The following MAFG variants were observed in gnomAD, a reference collection of about 807,000 sequenced individuals.
The protein encoded by MAFG is MAF bZIP transcription factor G.
In MAFG, 3 loss-of-function variants were observed where a neutral mutation model predicts 12.2. The observed-to-expected ratio is 0.25, with a 90% CI of 0.11 to 0.64. The LOEUF is 0.64. Ranked by LOEUF, MAFG falls within the 30% of genes least tolerant of loss-of-function variation. The pLI is 0.85. For missense variants in MAFG, 153 were observed against 235.5 expected (o/e 0.65, Z 2.29); for synonymous variants, 126 against 109.1 (o/e 1.15, Z -0.96).
chr17:81,923,335 G>T, intron 1 of MAFG, 121 bp from the exon 2 acceptor site: 1 of 643,150 alleles, frequency 1.6e-6, no homozygotes, highest in Non-Finnish European at 2.5e-6. Context: ...TGCTGTCCAG[G>T]TGCCCAGCCC....
rs2040853056 is a variant in MAFG, at chr17:81,918,549, C to T, written c.*4056G>A. 1 of 155,918 alleles carries T rather than the reference C, an allele frequency of 6.4e-6. No homozygotes were observed. Among genetic ancestry groups the T allele is most frequent in the African/African-American group, 2.4e-5 (1 of 41,510 alleles). The allele number at this position is 155,918 out of a possible 1,614,324, so 9.7% of individuals were successfully genotyped here. On this transcript the variant is annotated 3_prime_UTR_variant, in exon 3 of 3. Coordinates refer to ENST00000357736, the MANE Select transcript of MAFG (RefSeq NM_002359.4). ...TCCTCACTTAGATCTTTAATAACCT[C>T]CATCCCACCCCAGCAGATCCCGGGG...
Position 81,922,357 on chromosome 17 carries a change from A to C in MAFG, c.*248T>G. 1 of 327,412 alleles carries C rather than the reference A, an allele frequency of 3.1e-6. No homozygotes were observed. The highest frequency in any genetic ancestry group is 1.1e-4 in the South Asian group (1 of 8,976). 20.3% of individuals were successfully genotyped at this position (327,412 alleles called of 1,614,324 possible). On this transcript the variant is annotated 3_prime_UTR_variant, in exon 3 of 3. Transcript: ENST00000357736. ...CAAGCCTGCATGGCCCTGGTACAAA[A>C]GGGGTTGGGGCGACCCCACGTCACC...
At chr17:81,929,985 C>T (rs1026989589), upstream of MAFG, 4 of 147,392 alleles carry the variant, frequency 2.7e-5, no homozygotes, top group African/African-American at 8.5e-5. This position sits in a 1 kb window ranked among gnomAD's most constrained non-coding sequence, Gnocchi z 5.7. Context: ...CAGGCTGCAC[C>T]TTCTGTGGGA....
At chr17:81,927,283 G>A (rs2040949353) in intron 1 of MAFG, among the ~76,000 whole-genome samples, 1 of 151,694 alleles carries the variant, frequency 6.6e-6, no homozygotes, top group South Asian at 2.1e-4. Flanking sequence ...GTCCGCCGCC[G>A]CCCGCGGCCC....
upstream of MAFG, among the ~76,000 whole-genome samples, chr17:81,931,007 T>G (rs1000254063): frequency 6.6e-6 from 1 of 152,186 alleles, no homozygotes; most frequent in Non-Finnish European, 1.5e-5. Context: ...GTCCTCACGC[T>G]CTGTGGCTTC....
At position 81,926,410 on chromosome 17, in the gene MAFG, A is replaced by G. The variant is rs529580723; in HGVS notation, c.-30+1118T>C. On this transcript the variant is annotated intron_variant, in intron 1 of 2. Transcript: ENST00000357736. The surrounding 1 kb of genome is among the most constrained non-coding windows in gnomAD (Gnocchi z 4.6). ...CCAGACTCCAGGGCCAACTGGGGAG[A>G]GAGGCTGGGCTGCTTCCTCCCCTTT... 6.6e-6 allele frequency among the ~76,000 whole-genome samples: 1 copy of G among 152,154 alleles called. No individual in the cohort carries two copies. The highest frequency in any genetic ancestry group is 1.9e-4 in the East Asian group (1 of 5,166).
At chr17:81,929,320 C>T (rs1282358053), upstream of MAFG, among the ~76,000 whole-genome samples, 1 of 152,192 alleles carries the variant, frequency 6.6e-6, no homozygotes. The surrounding 1 kb of genome is among the most constrained non-coding windows in gnomAD (Gnocchi z 5.7). Flanking sequence ...GGCTCCTTTG[C>T]TGCCCCTCAC....
At chr17:81,927,267 C>G (rs980642651) in intron 1 of MAFG, among the ~76,000 whole-genome samples, 1 of 151,804 alleles carries the variant, frequency 6.6e-6, no homozygotes, top group Non-Finnish European at 1.5e-5. Flanking sequence ...TCGCCCGGCT[C>G]CGCGGGTCCG....
chr17:81,921,691 T>G lies in MAFG; in HGVS notation c.*914A>C. 1 of 152,014 alleles carries G rather than the reference T, an allele frequency of 6.6e-6. No homozygotes were observed. Among genetic ancestry groups the G allele is most frequent in the East Asian group, 1.9e-4 (1 of 5,190 alleles). 9.4% of individuals were successfully genotyped at this position (152,014 alleles called of 1,614,324 possible). A position where few individuals can be genotyped will look rare whatever the true frequency, so the allele number is the denominator to read the frequency against. On this transcript the variant is annotated 3_prime_UTR_variant, in exon 3 of 3. Coordinates refer to ENST00000357736, the MANE Select transcript of MAFG (RefSeq NM_002359.4). The stretch of plus-strand genomic sequence containing the variant: ...TTACAAGAAAGGGATTTTTTTTCTT[T>G]TTTTTTCTTTTTTTTTTAACTAGCA...
chr17:81,920,077 G>C lies in MAFG; in HGVS notation c.*2528C>G, dbSNP rs1382590196. On this transcript the variant is annotated 3_prime_UTR_variant, in exon 3 of 3. Transcript: ENST00000357736. ...GTGGGGGCTGCACAAGGACAAGGAG[G>C]GCCTGTTTCTCCCCACTCCGAGGCA... 6.6e-6 allele frequency: 1 copy of C among 152,080 alleles called. No individual in the cohort carries two copies. The highest frequency in any genetic ancestry group is 1.9e-4 in the East Asian group (1 of 5,190). The allele number at this position is 152,080 out of a possible 1,614,324, so 9.4% of individuals were successfully genotyped here.
Position 81,924,997 on chromosome 17 carries a change from C to T in MAFG, c.-29-1783G>A, listed in dbSNP as rs998502116. ...GCCTGAACTCAGCACAAGTGCAAGC[C>T]ATCGCCTCCTATCAAAGGTGCGCCG... On this transcript the variant is annotated intron_variant, in intron 1 of 2. Coordinates refer to ENST00000357736, the MANE Select transcript of MAFG (RefSeq NM_002359.4). The surrounding 1 kb of genome is among the most constrained non-coding windows in gnomAD (Gnocchi z 4.7). 2.6e-5 allele frequency among the ~76,000 whole-genome samples: 4 copies of T among 152,356 alleles called. No homozygotes were observed. Among genetic ancestry groups the T allele is most frequent in the Non-Finnish European group, 4.4e-5 (3 of 68,030 alleles).
chr17:81,922,599 G>C lies in MAFG; in HGVS notation c.*6C>G, dbSNP rs150965924. 6.9e-7 allele frequency: 1 copy of C among 1,458,880 alleles called. No individual in the cohort carries two copies. Among genetic ancestry groups the C allele is most frequent in the African/African-American group, 1.5e-5 (1 of 68,260 alleles). 90.4% of individuals were successfully genotyped at this position (1,458,880 alleles called of 1,614,324 possible). A position where few individuals can be genotyped will look rare whatever the true frequency, so the allele number is the denominator to read the frequency against. On this transcript the variant is annotated 3_prime_UTR_variant, in exon 3 of 3. Transcript: ENST00000357736. The stretch of plus-strand genomic sequence containing the variant: ...CGCAAAGACCCGCCTGGGCAGACGC[G>C]CGTCCCTACGATCGGGCATCCGTCT...
chr17:81,921,469 G>A lies in MAFG; in HGVS notation c.*1136C>T, dbSNP rs1037092835. Reference sequence around the variant, plus strand: ...CGACACCACGGCACCGGCAAGAGACGGAAGCAGGAAGGGCAGAGGAGTAAG... The same window carrying A: ...CGACACCACGGCACCGGCAAGAGACAGAAGCAGGAAGGGCAGAGGAGTAAG... On this transcript the variant is annotated 3_prime_UTR_variant, in exon 3 of 3. Transcript: ENST00000357736. The A allele has an allele frequency of 6.6e-6, 1 of 152,286 alleles. No individual in the cohort carries two copies. The highest frequency in any genetic ancestry group is 1.9e-4 in the East Asian group (1 of 5,202). The allele number at this position is 152,286 out of a possible 1,614,324, so 9.4% of individuals were successfully genotyped here.
intron 1 of MAFG, among the ~76,000 whole-genome samples, chr17:81,925,118 C>A (rs751937301): frequency 2.6e-5 from 4 of 152,220 alleles, no homozygotes; most frequent in Non-Finnish European, 5.9e-5. Flanking sequence ...TGCAGGGATC[C>A]CAGGAGCTGG....
chr17:81,922,815 C>G lies in MAFG; in HGVS notation c.279G>C (p.Leu93=). 1 of 1,607,500 alleles carries G rather than the reference C, an allele frequency of 6.2e-7. No homozygotes were observed. The highest frequency in any genetic ancestry group is 8.5e-7 in the Non-Finnish European group (1 of 1,177,182). ...KAELQQEVEK[L]ASENASMKLE... ...GCTTCATGCTGGCGTTCTCTGAGGC[C>G]AGCTTCTCCACCTCCTGCTGCAGCT... Residue 93 remains leucine (L), a synonymous_variant, in exon 3 of 3, where the codon CTG becomes CTC. Transcript: ENST00000357736.
rs550351469 is a variant in MAFG, at chr17:81,925,231, C to T, written c.-29-2017G>A. Among the ~76,000 whole-genome samples the T allele has an allele frequency of 2.0e-3, 309 of 152,352 alleles. 1 individual carries two copies. Among genetic ancestry groups the T allele is most frequent in the Middle Eastern group, 6.8e-3 (2 of 294 alleles). ...CCCAGAGGCTAATAAGCCCACCTCA[C>T]GCAGGAGGCACAGATGGTCACGGCT... On this transcript the variant is annotated intron_variant, in intron 1 of 2. Coordinates refer to ENST00000357736, the MANE Select transcript of MAFG (RefSeq NM_002359.4).
rs2040904078 is a variant in MAFG, at chr17:81,922,733, C to G, written c.361G>C (p.Val121Leu). 2 of 1,571,732 alleles carry G rather than the reference C, an allele frequency of 1.3e-6. No individual in the cohort carries two copies. Among genetic ancestry groups the G allele is most frequent in the Non-Finnish European group, 1.7e-6 (2 of 1,157,372 alleles). Residue 121 changes from valine (V) to leucine (L), a missense_variant, in exon 3 of 3, where the codon GTG becomes CTG. This residue lies in a region of MAFG where 81 missense variants were observed against 94.7 expected (regional missense o/e 0.86). Transcript: ENST00000357736. ...GCTGGCGCCACGGGGCTGCGGGCCA[C>G]CGTCCGGGCGAAGGTCTGCAGCGCC... Reference protein sequence around the residue: ...YEALQTFARTVARSPVAPARG... With the variant: ...YEALQTFARTLARSPVAPARG...
In MAFG at chr17:81,921,510, T is replaced by C. The variant is rs1195853711; in HGVS notation, c.*1095A>G. 3 of 151,316 alleles carry C rather than the reference T, an allele frequency of 2.0e-5. No homozygotes were observed. The highest frequency in any genetic ancestry group is 4.4e-5 in the Non-Finnish European group (3 of 67,978). 9.4% of individuals were successfully genotyped at this position (151,316 alleles called of 1,614,324 possible). A position where few individuals can be genotyped will look rare whatever the true frequency, so the allele number is the denominator to read the frequency against. ...GAGGAGTAAGTCACTTTCGGTACAA[T>C]TGCAAAAGATATCAAAGAGGACGGC... On this transcript the variant is annotated 3_prime_UTR_variant, in exon 3 of 3. Coordinates refer to ENST00000357736, the MANE Select transcript of MAFG (RefSeq NM_002359.4).
rs1005413186 is a variant in MAFG at position 81,926,518 on chromosome 17, T to G, written c.-30+1010A>C. 5.9e-5 allele frequency among the ~76,000 whole-genome samples: 9 copies of G among 151,998 alleles called. No homozygotes were observed. The highest frequency in any genetic ancestry group is 2.9e-5 in the Non-Finnish European group (2 of 67,982). On this transcript the variant is annotated intron_variant, in intron 1 of 2. Transcript: ENST00000357736. The surrounding 1 kb of genome is among the most constrained non-coding windows in gnomAD (Gnocchi z 4.6). ...GGCTTGGTACACACACCCCTCTTTC[T>G]CCCAGGACCTCGATCTCTGGCCAGG...
Sources: allele counts gnomAD v4.1 joint callset (sites outside exome capture counted in the v4.1 genomes callset), GRCh38; gene constraint gnomAD v4.1.1; regional missense constraint gnomAD v4.1.1; non-coding constraint Gnocchi (gnomAD v3.1); transcripts MANE v1.5; gene names NCBI Gene and HGNC (gene_info 2026-07-23, HGNC 2026-07-21).